Variants in CXCL13 observed in about 807,000 individuals in gnomAD.
The protein encoded by CXCL13 is C-X-C motif chemokine 13.
A neutral mutation model predicts 12.2 loss-of-function variants in CXCL13; 7 were observed. The observed-to-expected ratio is 0.57, with a 90% CI of 0.33 to 1.07. The LOEUF (loss-of-function observed/expected upper bound fraction) is 1.07, where lower values mean the gene tolerates loss of function less well. Among genes scored for constraint, CXCL13 ranks in the 50% least tolerant of loss-of-function variants. The pLI, the probability that CXCL13 is intolerant of heterozygous loss-of-function variation, is 0.04. For missense variants in CXCL13, 113 were observed against 127.4 expected (o/e 0.89, Z 0.55); for synonymous variants, 47 against 42.4 (o/e 1.11, Z -0.42).
At chr4:77,586,864 T>C (rs1459419337) in intron 1 of CXCL13, among the ~76,000 whole-genome samples, 1 of 152,132 alleles carries the variant, frequency 6.6e-6, no homozygotes, top group African/African-American at 2.4e-5. Context: ...TAGATAGCAA[T>C]TGAAAATTGG....
At chr4:77,537,320 G>T (rs1358821533) in intron 1 of CXCL13, among the ~76,000 whole-genome samples, 2 of 152,178 alleles carry the variant, frequency 1.3e-5, no homozygotes, top group Admixed American at 1.3e-4. Context: ...TGTGGCATTA[G>T]TTGTAGAGAT....
chr4:77,567,485 G>A (rs1725966680), intron 1 of CXCL13, among the ~76,000 whole-genome samples: 2 of 152,208 alleles, frequency 1.3e-5, no homozygotes, highest in African/African-American at 4.8e-5. Flanking sequence ...ACAAAGGGAA[G>A]GAAGATGTTG....
At chr4:77,585,465 A>G (rs1726433960) in intron 1 of CXCL13, among the ~76,000 whole-genome samples, 1 of 152,222 alleles carries the variant, frequency 6.6e-6, no homozygotes, top group Non-Finnish European at 1.5e-5. Context: ...CCTCAGCCAC[A>G]TCGTGTGAGT....
At chr4:77,544,140 C>T (rs1331724242) in intron 1 of CXCL13, among the ~76,000 whole-genome samples, 1 of 152,158 alleles carries the variant, frequency 6.6e-6, no homozygotes, top group East Asian at 1.9e-4. Context: ...TTAATCCAGT[C>T]TATCATTGAT....
chr4:77,536,965 G>C (rs1304046661), intron 1 of CXCL13, among the ~76,000 whole-genome samples: 1 of 152,108 alleles, frequency 6.6e-6, no homozygotes, highest in Admixed American at 6.6e-5. Flanking sequence ...TTTGAAGTAG[G>C]TCTATTACTT....
chr4:77,523,476 A>G (rs1315561183), intron 1 of CXCL13, among the ~76,000 whole-genome samples: 2 of 152,062 alleles, frequency 1.3e-5, no homozygotes, highest in Non-Finnish European at 2.9e-5. Context: ...TCAGTGACTG[A>G]TACTCTTTCT....
intron 1 of CXCL13, among the ~76,000 whole-genome samples, chr4:77,558,435 C>T (rs1449238170): frequency 6.6e-6 from 1 of 152,180 alleles, no homozygotes; most frequent in Admixed American, 6.5e-5. Context: ...TCACTGCAAC[C>T]TCTGCCTCCC....
At chr4:77,518,953 T>C (rs900378821) in intron 1 of CXCL13, among the ~76,000 whole-genome samples, 2 of 152,298 alleles carry the variant, frequency 1.3e-5, no homozygotes, top group African/African-American at 4.8e-5. Flanking sequence ...ATGATGGTGA[T>C]GTACAGATAG....
intron 1 of CXCL13, among the ~76,000 whole-genome samples, chr4:77,565,393 A>G (rs1273350742): frequency 6.6e-6 from 1 of 152,152 alleles, no homozygotes; most frequent in East Asian, 1.9e-4. Flanking sequence ...TAATACTGGT[A>G]TTTGGTGTTT....
At chr4:77,562,144 C>T (rs1454349618) in intron 1 of CXCL13, among the ~76,000 whole-genome samples, 1 of 151,354 alleles carries the variant, frequency 6.6e-6, no homozygotes, top group Non-Finnish European at 1.5e-5. Context: ...CCGGCACAAG[C>T]CTTCCCACCC....
intron 1 of CXCL13, among the ~76,000 whole-genome samples, chr4:77,561,312 G>A (rs564935050): frequency 9.6e-4 from 146 of 152,238 alleles, no homozygotes; most frequent in Non-Finnish European, 1.8e-3. Context: ...AACAAGATCT[G>A]CAGGTAATTC....
chr4:77,569,645 C>G (rs1041141042), intron 1 of CXCL13, among the ~76,000 whole-genome samples: 1 of 152,158 alleles, frequency 6.6e-6, no homozygotes. Context: ...CAAATGGAAA[C>G]ACATTTCAGG....
chr4:77,533,985 G>A (rs963485745), intron 1 of CXCL13, among the ~76,000 whole-genome samples: 1 of 152,156 alleles, frequency 6.6e-6, no homozygotes, highest in African/African-American at 2.4e-5. Flanking sequence ...CACTTCCCAG[G>A]TGAGGCAATG....
intron 1 of CXCL13, among the ~76,000 whole-genome samples, chr4:77,540,864 A>G (rs1391718523): frequency 3.9e-5 from 6 of 152,190 alleles, no homozygotes; most frequent in Admixed American, 3.9e-4. Flanking sequence ...GCACTAATTT[A>G]CATTCCCACC....
intron 1 of CXCL13, among the ~76,000 whole-genome samples, chr4:77,575,805 T>C (rs1281808555): frequency 1.3e-5 from 2 of 151,848 alleles, no homozygotes; most frequent in African/African-American, 2.4e-5. Context: ...TTTAGGTACA[T>C]GGGATTGCCA....
intron 1 of CXCL13, among the ~76,000 whole-genome samples, chr4:77,554,940 G>A (rs796625441): frequency 3.3e-5 from 5 of 152,014 alleles, no homozygotes; most frequent in African/African-American, 1.2e-4. Flanking sequence ...GTGATTGGGG[G>A]AAATTTAGAG....
chr4:77,605,590 C>T (rs1299446307), upstream of CXCL13, among the ~76,000 whole-genome samples: 2 of 152,170 alleles, frequency 1.3e-5, no homozygotes, highest in Non-Finnish European at 2.9e-5. Flanking sequence ...TCTCCCCACC[C>T]TCAGATTTCT....
At chr4:77,586,514 C>G (rs1726464003) in intron 1 of CXCL13, among the ~76,000 whole-genome samples, 1 of 152,186 alleles carries the variant, frequency 6.6e-6, no homozygotes, top group Non-Finnish European at 1.5e-5. Flanking sequence ...AGGCAGTATG[C>G]ATCGATGATT....
chr4:77,536,830 G>GA (rs1483597467), intron 1 of CXCL13, among the ~76,000 whole-genome samples: 1 of 152,128 alleles, frequency 6.6e-6, no homozygotes, highest in Admixed American at 6.5e-5. Flanking sequence ...TATCAGGATA[G>GA]AAAAAGGTTC....
Sources: gnomAD v4.1 joint callset for allele counts (sites outside exome capture counted in the v4.1 genomes callset) on GRCh38, gnomAD v4.1.1 for gene constraint, MANE v1.5 for transcripts, NCBI Gene and HGNC (gene_info 2026-07-23, HGNC 2026-07-21) for gene names.